The following CFAP206 variants were observed in gnomAD, a reference collection of about 807,000 sequenced individuals.
The protein encoded by CFAP206 is cilia and flagella associated protein 206.
A neutral mutation model predicts 65.4 loss-of-function variants in CFAP206; 53 were observed. The ratio of observed to expected loss-of-function variants is 0.81; its 90% confidence interval spans 0.65 to 1.02. The LOEUF is 1.02. CFAP206 is among the 50% of genes least tolerant of loss of function. The pLI is 0.00. For synonymous variants in CFAP206, 250 were observed against 254.4 expected, an observed-to-expected ratio of 0.98 and a Z score of 0.17; for missense variants, 663 against 753.2, an observed-to-expected ratio of 0.88 and a Z score of 1.40.
At chr6:87,409,979 T>C (rs1232074976) in intron 2 of CFAP206, 32 bp downstream of exon 2, 10 of 1,440,490 alleles carry the variant, frequency 6.9e-6, no homozygotes, top group Non-Finnish European at 7.8e-6. Context: ...ATTACTGTTT[T>C]ATTAAGAGGT....
chr6:87,446,007 T>A (rs1232191987), intron 11 of CFAP206, among the ~76,000 whole-genome samples: 1 of 152,128 alleles, frequency 6.6e-6, no homozygotes, highest in Non-Finnish European at 1.5e-5. Context: ...CTTCTTTTGA[T>A]AAGTGTCTGT....
At chr6:87,453,455 G>T (rs1171589557) in intron 11 of CFAP206, among the ~76,000 whole-genome samples, 2 of 152,088 alleles carry the variant, frequency 1.3e-5, no homozygotes, top group Non-Finnish European at 2.9e-5. Context: ...ATTGTTGTGT[G>T]TAAACTATTC....
chr6:87,430,394 T>A (rs1182914178), intron 9 of CFAP206, among the ~76,000 whole-genome samples: 1 of 152,176 alleles, frequency 6.6e-6, no homozygotes, highest in Non-Finnish European at 1.5e-5. Context: ...TTATCAAATG[T>A]AAATAGGTAA....
chr6:87,435,319 A>G, intron 11 of CFAP206: 1 of 281,726 alleles, frequency 3.5e-6, no homozygotes. Flanking sequence ...AAATAATTGA[A>G]GCTGCAGTAT....
At chr6:87,408,723 A>G (rs1463238852) in intron 1 of CFAP206, 1 of 136,002 alleles carries the variant, frequency 7.4e-6, no homozygotes, top group Non-Finnish European at 1.6e-5. Context: ...TAACCACTAA[A>G]AACAGGACTA....
chr6:87,415,703 C>T lies in CFAP206; in HGVS notation c.301C>T (p.His101Tyr). ...YTNRVEFLEE[H>Y]HRVLESRLGS... is the part of the protein sequence containing the mutation. ...AATTTTAGTGGAATTTCTCGAAGAA[C>T]ATCACCGGGTCCTAGAGTCTAGATT... The change falls in exon 5 of 13, where the codon CAT (histidine) becomes TAT (tyrosine). Residue 101 changes from histidine (H) to tyrosine (Y), a missense_variant. By Grantham distance (83) the His-to-Tyr change is moderately conservative. Coordinates refer to ENST00000369562, the MANE Select transcript of CFAP206 (RefSeq NM_001031743.3). The T allele has an allele frequency of 1.9e-6, 3 of 1,603,566 alleles. No homozygotes were observed. Among genetic ancestry groups the T allele is most frequent in the Non-Finnish European group, 1.7e-6 (2 of 1,175,572 alleles).
At chr6:87,437,825 ATTT>A (rs1206669821) in intron 11 of CFAP206, among the ~76,000 whole-genome samples, 5 of 104,496 alleles carry the variant, frequency 4.8e-5, no homozygotes, top group African/African-American at 1.9e-4. Context: ...TGCCTGGCTA[ATTT>A]TTTTTTTTTT....
intron 11 of CFAP206, among the ~76,000 whole-genome samples, chr6:87,437,873 G>A (rs1221604668): frequency 7.0e-6 from 1 of 143,460 alleles, no homozygotes; most frequent in Non-Finnish European, 1.5e-5. Context: ...TTCTAGAGAC[G>A]GTGCCTCACT....
At chr6:87,444,854 G>A in intron 11 of CFAP206, 1 of 552,670 alleles carries the variant, frequency 1.8e-6, no homozygotes, top group Non-Finnish European at 3.5e-6. Flanking sequence ...AAGATCATGG[G>A]CTGCTTCTTC....
chr6:87,441,925 T>C (rs973906691), intron 11 of CFAP206: 3 of 291,298 alleles, frequency 1.0e-5, no homozygotes. Context: ...CCAAATAAAA[T>C]GTCTCTTGGA....
At chr6:87,449,903 C>T (rs1768510166) in intron 11 of CFAP206, among the ~76,000 whole-genome samples, 1 of 152,146 alleles carries the variant, frequency 6.6e-6, no homozygotes. Flanking sequence ...TTTGCCCAGA[C>T]CAATGCCCTG....
rs552297180 is a variant in CFAP206 at position 87,428,743 on chromosome 6, T to C, written c.1078T>C (p.Tyr360His). 6.2e-7 allele frequency: 1 copy of C among 1,614,164 alleles called. No homozygotes were observed. The highest frequency in any genetic ancestry group is 1.7e-5 in the Admixed American group (1 of 60,028). ...GCCATTCTTGGGTGCTCACGAACTA[T>C]ACTTTCCTGAGAGAGTGATGCAATG... ...IQPFLGAHEL[Y>H]FPERVMQCHL... The change falls in exon 9 of 13, where the codon TAC (tyrosine) becomes CAC (histidine). Residue 360 changes from tyrosine to histidine, a missense_variant. By Grantham distance (83) the Tyr-to-His change is moderately conservative. Transcript: ENST00000369562.
intron 6 of CFAP206, 83 bp from the exon 7 acceptor site, chr6:87,418,125 A>T: frequency 1.6e-6 from 2 of 1,248,316 alleles, no homozygotes; most frequent in Non-Finnish European, 2.3e-6. Context: ...CTTAATGTTT[A>T]AAATGTAACT....
intron 1 of CFAP206, among the ~76,000 whole-genome samples, chr6:87,409,151 A>G (rs1342233340): frequency 1.3e-5 from 2 of 152,056 alleles, no homozygotes; most frequent in Non-Finnish European, 2.9e-5. Flanking sequence ...TGGTGGAATA[A>G]GCATTTCTCC....
At chr6:87,452,316 A>G (rs188943231) in intron 11 of CFAP206, among the ~76,000 whole-genome samples, 2 of 152,364 alleles carry the variant, frequency 1.3e-5, no homozygotes, top group African/African-American at 4.8e-5. Context: ...ATAGATCACA[A>G]CACTCAATTC....
chr6:87,431,255 A>G, intron 10 of CFAP206, 82 bp downstream of exon 10: 3 of 1,255,918 alleles, frequency 2.4e-6, no homozygotes, highest in Non-Finnish European at 3.4e-6. Flanking sequence ...TTGAATATTC[A>G]CTTTAAAAAC....
At chr6:87,419,037 A>G (rs982235732) in intron 7 of CFAP206, among the ~76,000 whole-genome samples, 22 of 151,478 alleles carry the variant, frequency 1.5e-4, no homozygotes, top group African/African-American at 5.1e-4. Flanking sequence ...ACTTGAGCCC[A>G]GGAGGCAGAG....
At chr6:87,463,965 TTA>T (rs1474901759) in intron 12 of CFAP206, 53 bp from the exon 13 acceptor site, 3 of 1,405,352 alleles carry the variant, frequency 2.1e-6, no homozygotes, top group East Asian at 2.3e-5. Context: ...TGATAATATT[TTA>T]TGTTATTTGT....
chr6:87,449,261 C>T (rs943108759), intron 11 of CFAP206, among the ~76,000 whole-genome samples: 1 of 151,690 alleles, frequency 6.6e-6, no homozygotes, highest in Admixed American at 6.6e-5. Context: ...ATGGTGAAAC[C>T]CCGTCTCTAC....
Sources: gnomAD v4.1 joint callset for allele counts (sites outside exome capture counted in the v4.1 genomes callset) on GRCh38, gnomAD v4.1.1 for gene constraint, MANE v1.5 for transcripts, NCBI Gene and HGNC (gene_info 2026-07-23, HGNC 2026-07-21) for gene names.